Variants in SMAP1 observed in about 807,000 individuals in gnomAD.
The protein encoded by SMAP1 is small ArfGAP 1.
Under a neutral mutation model 58.5 loss-of-function variants are expected in SMAP1, and 24 were observed. That is an observed-to-expected ratio of 0.41 (90% confidence interval 0.30 to 0.58). The LOEUF (loss-of-function observed/expected upper bound fraction) is 0.58, where lower values mean the gene tolerates loss of function less well. Among genes scored for constraint, SMAP1 ranks in the 20% least tolerant of loss-of-function variants. The pLI, the probability that SMAP1 is intolerant of heterozygous loss-of-function variation, is 0.29. For missense variants in SMAP1, 563 were observed against 566.3 expected (o/e 0.99, Z 0.06); for synonymous variants, 216 against 196.6 (o/e 1.10, Z -0.82).
At chr6:70,737,140 A>G in intron 2 of SMAP1, among the ~76,000 whole-genome samples, 1 of 151,912 alleles carries the variant, frequency 6.6e-6, no homozygotes. Flanking sequence ...TTGGAAATGT[A>G]TTTTTTGTTT....
chr6:70,690,707 TA>T (rs1427448473), intron 1 of SMAP1, among the ~76,000 whole-genome samples: 37 of 126,192 alleles, frequency 2.9e-4, no homozygotes, highest in African/African-American at 8.7e-4. Context: ...TATATATATA[TA>T]TTTTTGAATT....
At chr6:70,775,025 A>T (rs918732753) in intron 4 of SMAP1, among the ~76,000 whole-genome samples, 1 of 151,776 alleles carries the variant, frequency 6.6e-6, no homozygotes, top group South Asian at 2.1e-4. Context: ...AAAAAAAAAA[A>T]TTAAGTTTTC....
chr6:70,703,302 G>A (rs527326294), intron 1 of SMAP1, among the ~76,000 whole-genome samples: 1 of 152,152 alleles, frequency 6.6e-6, no homozygotes, highest in Non-Finnish European at 1.5e-5. Flanking sequence ...GTCTTGAACT[G>A]ATCTCAAGTG....
chr6:70,767,971 A>C (rs537014489), intron 3 of SMAP1, among the ~76,000 whole-genome samples: 4 of 149,150 alleles, frequency 2.7e-5, no homozygotes, highest in South Asian at 4.4e-4. Flanking sequence ...GGGTTGTTGA[A>C]TTTTGTCAAA....
At chr6:70,686,720 A>C (rs1378730317) in intron 1 of SMAP1, among the ~76,000 whole-genome samples, 1 of 152,224 alleles carries the variant, frequency 6.6e-6, no homozygotes, top group Non-Finnish European at 1.5e-5. Flanking sequence ...TGGTTTTATA[A>C]CATATATCTG....
At chr6:70,690,785 T>C (rs1767132847) in intron 1 of SMAP1, among the ~76,000 whole-genome samples, 1 of 151,886 alleles carries the variant, frequency 6.6e-6, no homozygotes, top group Non-Finnish European at 1.5e-5. Context: ...TCTTGTGATA[T>C]CTTTGTCTGG....
intron 6 of SMAP1, among the ~76,000 whole-genome samples, chr6:70,826,481 C>T (rs1015846761): frequency 3.3e-5 from 5 of 152,008 alleles, no homozygotes; most frequent in African/African-American, 9.7e-5. Context: ...AGAACAGTTC[C>T]TGGCTGGCAT....
intron 5 of SMAP1, among the ~76,000 whole-genome samples, chr6:70,794,889 C>A (rs541646716): frequency 2.0e-5 from 3 of 150,778 alleles, no homozygotes; most frequent in East Asian, 1.9e-4. Context: ...CCCGGGTTCA[C>A]GCCATTCTCC....
At chr6:70,789,313 A>G (rs1768234088) in intron 4 of SMAP1, among the ~76,000 whole-genome samples, 2 of 152,260 alleles carry the variant, frequency 1.3e-5, no homozygotes, top group African/African-American at 2.4e-5. Flanking sequence ...CGTCACTCCA[A>G]AAGGTTTCTT....
chr6:70,765,742 TTTTTA>T (rs1247239357), intron 3 of SMAP1, among the ~76,000 whole-genome samples: 2 of 151,988 alleles, frequency 1.3e-5, no homozygotes, highest in East Asian at 1.9e-4. Context: ...TTTTTATTTA[TTTTTA>T]TTTTATTATT....
At chr6:70,752,559 T>G (rs1371045315) in intron 2 of SMAP1, among the ~76,000 whole-genome samples, 1 of 152,206 alleles carries the variant, frequency 6.6e-6, no homozygotes, top group Non-Finnish European at 1.5e-5. Context: ...TTATTATTTT[T>G]TTCCTGCTAC....
intron 2 of SMAP1, among the ~76,000 whole-genome samples, chr6:70,742,990 C>T (rs554919700): frequency 9.9e-5 from 15 of 152,276 alleles, no homozygotes; most frequent in South Asian, 2.1e-4. Flanking sequence ...TCTCCCACAA[C>T]GCCTGAGAAT....
chr6:70,698,652 G>C, intron 1 of SMAP1, among the ~76,000 whole-genome samples: 1 of 152,012 alleles, frequency 6.6e-6, no homozygotes, highest in East Asian at 1.9e-4. Context: ...TATTTCTTCT[G>C]CTTGATCAAT....
intron 1 of SMAP1, among the ~76,000 whole-genome samples, chr6:70,701,099 T>C (rs187262530): frequency 3.9e-5 from 6 of 152,254 alleles, no homozygotes; most frequent in Non-Finnish European, 8.8e-5. Flanking sequence ...CCACCTGGGA[T>C]TGGGGGAGTG....
At chr6:70,733,166 A>G (rs1765493345) in intron 2 of SMAP1, among the ~76,000 whole-genome samples, 1 of 152,224 alleles carries the variant, frequency 6.6e-6, no homozygotes, top group Non-Finnish European at 1.5e-5. Context: ...CCACTTATTT[A>G]TGCCCTTTTG....
At chr6:70,731,603 T>C (rs775228464) in intron 1 of SMAP1, among the ~76,000 whole-genome samples, 5 of 152,234 alleles carry the variant, frequency 3.3e-5, no homozygotes, top group Admixed American at 2.0e-4. Context: ...GTAGATACAT[T>C]TAATTAATAT....
chr6:70,765,511 A>G (rs965605202), intron 3 of SMAP1, among the ~76,000 whole-genome samples: 4 of 152,234 alleles, frequency 2.6e-5, no homozygotes, highest in African/African-American at 7.2e-5. Context: ...TAGTGAATCT[A>G]TGAGTGATAG....
At chr6:70,847,754 C>T (rs933827702) in intron 7 of SMAP1, among the ~76,000 whole-genome samples, 11 of 152,138 alleles carry the variant, frequency 7.2e-5, no homozygotes, top group African/African-American at 2.7e-4. Context: ...GGGACTGCTG[C>T]CTCCTGCTGC....
rs531984332 is a variant in SMAP1 at position 70,833,738 on chromosome 6, C to T, written c.577-3203C>T. ...AAAACAACAATCTGGGAATATTTAC[C>T]TTTCTTTTATGCAGTCAGTGTACTC... On this transcript the variant is annotated intron_variant, in intron 6 of 10. Transcript: ENST00000370455. Among the ~76,000 whole-genome samples, 183 of 150,554 alleles carry T rather than the reference C, an allele frequency of 1.2e-3. No homozygotes were observed. In the Middle Eastern group the frequency reaches 0.02, roughly 17 times the overall value.
Sources: allele counts gnomAD v4.1 joint callset (sites outside exome capture counted in the v4.1 genomes callset), GRCh38; gene constraint gnomAD v4.1.1; transcripts MANE v1.5; gene names NCBI Gene and HGNC (gene_info 2026-07-23, HGNC 2026-07-21).